ADCK1: variants seen among roughly 807,000 people sequenced by gnomAD.
The protein encoded by ADCK1 is aarF domain containing kinase 1.
Under a neutral mutation model 52.3 loss-of-function variants are expected in ADCK1, and 41 were observed. The ratio of observed to expected loss-of-function variants is 0.78; its 90% CI spans 0.61 to 1.02. The LOEUF (loss-of-function observed/expected upper bound fraction) is 1.02, where lower values mean the gene tolerates loss of function less well. ADCK1 is among the 50% of genes least tolerant of loss of function. ADCK1 has a pLI of 0.00. For synonymous variants in ADCK1, 250 were observed against 274.6 expected (o/e 0.91, Z 0.89); for missense variants, 658 against 679.5 (o/e 0.97, Z 0.35).
intron 3 of ADCK1, among the ~76,000 whole-genome samples, chr14:77,825,617 C>T (rs1244137687): frequency 2.6e-5 from 4 of 151,032 alleles, no homozygotes; most frequent in South Asian, 4.2e-4. Context: ...GTTTGTTGAA[C>T]GAACGAGTGA....
chr14:77,871,390 C>T (rs1387464288), intron 4 of ADCK1, among the ~76,000 whole-genome samples: 4 of 152,258 alleles, frequency 2.6e-5, no homozygotes, highest in African/African-American at 9.6e-5. Context: ...CAGAGTCTCA[C>T]TCAGTTGCCC....
chr14:77,895,814 T>A (rs1204523826), intron 5 of ADCK1, among the ~76,000 whole-genome samples: 1 of 152,144 alleles, frequency 6.6e-6, no homozygotes, highest in Non-Finnish European at 1.5e-5. Context: ...ACCCCTTGAA[T>A]TATGTGCAAA....
At chr14:77,800,589 G>GGCAAGA (rs1052124363) in intron 1 of ADCK1, among the ~76,000 whole-genome samples, 6 of 152,230 alleles carry the variant, frequency 3.9e-5, no homozygotes, top group African/African-American at 1.4e-4. Flanking sequence ...GCGTGGTCTG[G>GGCAAGA]GCAAGAGCAG....
At chr14:77,854,212 G>C (rs1282113296) in intron 3 of ADCK1, among the ~76,000 whole-genome samples, 1 of 152,174 alleles carries the variant, frequency 6.6e-6, no homozygotes, top group Non-Finnish European at 1.5e-5. Flanking sequence ...GAACAGGTTT[G>C]GTGGTGGTGG....
intron 4 of ADCK1, among the ~76,000 whole-genome samples, chr14:77,880,480 C>T (rs755427094): frequency 1.3e-5 from 2 of 152,194 alleles, no homozygotes; most frequent in African/African-American, 2.4e-5. Flanking sequence ...AAGACAAGGT[C>T]GGCGTGTCCT....
At chr14:77,839,664 G>A (rs1257280145) in intron 3 of ADCK1, among the ~76,000 whole-genome samples, 1 of 152,066 alleles carries the variant, frequency 6.6e-6, no homozygotes, top group Admixed American at 6.5e-5. Flanking sequence ...GGCCCGATGT[G>A]GTGGCTGGCC....
At chr14:77,898,978 A>T in intron 5 of ADCK1, 122 bp from the exon 6 acceptor site, 1 of 1,318,432 alleles carries the variant, frequency 7.6e-7, no homozygotes, top group Non-Finnish European at 1.0e-6. Context: ...TGGAATTCAG[A>T]GGAGGGATGG....
chr14:77,871,627 G>T (rs1298304103), intron 4 of ADCK1, among the ~76,000 whole-genome samples: 1 of 152,066 alleles, frequency 6.6e-6, no homozygotes, highest in Non-Finnish European at 1.5e-5. Context: ...CAAAGTGCCC[G>T]GCCCTAACTT....
At chr14:77,815,516 C>T (rs2081429122) in intron 1 of ADCK1, among the ~76,000 whole-genome samples, 1 of 149,934 alleles carries the variant, frequency 6.7e-6, no homozygotes, top group South Asian at 2.1e-4. Flanking sequence ...AGCCAGGCAC[C>T]TGCATTTTTT....
At chr14:77,916,755 G>T (rs551322060) in intron 7 of ADCK1, among the ~76,000 whole-genome samples, 1 of 152,348 alleles carries the variant, frequency 6.6e-6, no homozygotes, top group South Asian at 2.1e-4. Flanking sequence ...GACACCATGT[G>T]TGGTCGAAGA....
chr14:77,894,469 G>A lies in ADCK1; in HGVS notation c.583-4631G>A, dbSNP rs879585604. Among the ~76,000 whole-genome samples the A allele has an allele frequency of 2.0e-5, 3 of 152,168 alleles. No individual in the cohort carries two copies. The East Asian group carries it at 5.8e-4, about 29-fold the overall frequency. ...TCTGCCTTATCTTGAGCTTCCTATT[G>A]TATTGTCCTGTGTCGTTGTGTTGTG... is the stretch of plus-strand genomic sequence containing the variant. On this transcript the variant is annotated intron_variant, in intron 5 of 10. Coordinates refer to ENST00000238561, the MANE Select transcript of ADCK1 (RefSeq NM_020421.4).
At chr14:77,847,951 C>A (rs1411448469) in intron 3 of ADCK1, among the ~76,000 whole-genome samples, 1 of 152,194 alleles carries the variant, frequency 6.6e-6, no homozygotes, top group Non-Finnish European at 1.5e-5. Flanking sequence ...AACCCTGAGA[C>A]TTAGCTGGGG....
intron 4 of ADCK1, among the ~76,000 whole-genome samples, chr14:77,872,603 C>T (rs1343740617): frequency 6.6e-6 from 1 of 151,934 alleles, no homozygotes; most frequent in Non-Finnish European, 1.5e-5. Flanking sequence ...TGGGGGTGCC[C>T]TCTTGCTCTC....
chr14:77,852,908 T>TATATATA (rs56338375), intron 3 of ADCK1, among the ~76,000 whole-genome samples: 24 of 23,462 alleles, frequency 1.0e-3, no homozygotes, highest in African/African-American at 3.4e-3. Context: ...TATATATATA[T>TATATATA]TTTTTTTTTT....
intron 4 of ADCK1, among the ~76,000 whole-genome samples, chr14:77,861,345 A>G (rs957099124): frequency 1.5e-4 from 23 of 151,910 alleles, no homozygotes; most frequent in Non-Finnish European, 2.8e-4. Context: ...CTGGTGACAC[A>G]CTTTCCCAGT....
chr14:77,901,045 C>CT (rs34756369), intron 6 of ADCK1, among the ~76,000 whole-genome samples: 66,387 of 134,072 alleles, frequency 0.5, 16,587 homozygotes, highest in Admixed American at 0.58. Context: ...AGTTGGTGTT[C>CT]TTTTTTTTTT....
intron 7 of ADCK1, among the ~76,000 whole-genome samples, chr14:77,915,073 G>A (rs2083886778): frequency 6.6e-6 from 1 of 152,148 alleles, no homozygotes; most frequent in Admixed American, 6.5e-5. Context: ...GGTAGAAGAT[G>A]CCCAGACCAA....
intron 5 of ADCK1, among the ~76,000 whole-genome samples, chr14:77,896,114 G>T (rs1490153509): frequency 6.6e-6 from 1 of 151,990 alleles, no homozygotes; most frequent in Non-Finnish European, 1.5e-5. Context: ...ATGATGTCAG[G>T]TATTACCAAG....
Position 77,887,210 on chromosome 14 carries a change from G to A in ADCK1, c.543G>A (p.Lys181=). The change falls in exon 5 of 11, where the codon AAG becomes AAA. Residue 181 remains lysine (K), a synonymous_variant. Transcript: ENST00000238561. ...TGGCCGTGAAGGTCCAGCACCCAAA[G>A]GTGCGGGCTCAGAGCTCGAAGGACA... ...RTVAVKVQHP[K]VRAQSSKDIL... The A allele has an allele frequency of 1.2e-6, 2 of 1,608,012 alleles. No homozygotes were observed. Among genetic ancestry groups the A allele is most frequent in the Middle Eastern group, 1.7e-4 (1 of 6,038 alleles).
Sources: gnomAD v4.1 joint callset for allele counts (sites outside exome capture counted in the v4.1 genomes callset) on GRCh38, gnomAD v4.1.1 for gene constraint, MANE v1.5 for transcripts, NCBI Gene and HGNC (gene_info 2026-07-23, HGNC 2026-07-21) for gene names.